GALNT1: variants seen among roughly 807,000 people sequenced by gnomAD.
GALNT1 encodes GalNAc transferase 1.
GALNT1 carries 17 observed loss-of-function variants against 65.7 expected under a neutral mutation model. The ratio of observed to expected loss-of-function variants is 0.26; its 90% CI spans 0.18 to 0.39. The LOEUF (loss-of-function observed/expected upper bound fraction) is 0.39, where lower values mean the gene tolerates loss of function less well. GALNT1 is among the 10% of genes least tolerant of loss of function. The probability of loss-of-function intolerance (pLI) is 1.00; values close to 1 mark genes in which losing one functional copy is unlikely to be tolerated. For synonymous variants in GALNT1, 210 were observed against 219.7 expected, an observed-to-expected ratio of 0.96 and a Z score of 0.39; for missense variants, 460 against 672.8, an observed-to-expected ratio of 0.68 and a Z score of 3.50.
intron 1 of GALNT1, among the ~76,000 whole-genome samples, chr18:35,594,847 A>C (rs569983228): frequency 6.6e-6 from 1 of 152,254 alleles, no homozygotes; most frequent in African/African-American, 2.4e-5. Flanking sequence ...TTTTGGCTGA[A>C]GAGTAGTTTA....
chr18:35,632,444 T>C (rs901628933), intron 1 of GALNT1, among the ~76,000 whole-genome samples: 10 of 152,148 alleles, frequency 6.6e-5, no homozygotes, highest in Non-Finnish European at 1.5e-4. Context: ...AAACAAGAAA[T>C]GGGGAAAGGA....
At chr18:35,695,006 G>A (rs982077566) in intron 9 of GALNT1, among the ~76,000 whole-genome samples, 1 of 152,182 alleles carries the variant, frequency 6.6e-6, no homozygotes, top group Non-Finnish European at 1.5e-5. Flanking sequence ...GTGGTTACCA[G>A]GGCTGAGGGA....
chr18:35,660,230 A>AACTTTATACC (rs2047458125), intron 2 of GALNT1, among the ~76,000 whole-genome samples: 1 of 69,030 alleles, frequency 1.4e-5, no homozygotes, highest in Non-Finnish European at 3.1e-5. Context: ...GAAGTCATAT[A>AACTTTATACC]ACTTTAGTCT....
At chr18:35,669,872 T>G (rs1472023857) in intron 3 of GALNT1, among the ~76,000 whole-genome samples, 4 of 152,204 alleles carry the variant, frequency 2.6e-5, no homozygotes, top group African/African-American at 9.7e-5. Context: ...TTATGAGGAC[T>G]GGAAGAGAGG....
At chr18:35,675,482 A>G (rs2144555193) in intron 3 of GALNT1, among the ~76,000 whole-genome samples, 1 of 152,108 alleles carries the variant, frequency 6.6e-6, no homozygotes, top group Non-Finnish European at 1.5e-5. Context: ...TATTGTTCTT[A>G]TAATCTTACA....
intron 11 of GALNT1, among the ~76,000 whole-genome samples, chr18:35,707,930 G>A (rs1208718741): frequency 2.6e-5 from 4 of 152,214 alleles, no homozygotes; most frequent in Admixed American, 2.0e-4. Context: ...GACGTTGCCA[G>A]GATGTTGTGT....
intron 9 of GALNT1, among the ~76,000 whole-genome samples, chr18:35,694,736 C>T (rs2048026869): frequency 1.3e-5 from 2 of 152,186 alleles, no homozygotes; most frequent in African/African-American, 2.4e-5. Context: ...AAAATTGGGT[C>T]AGTTCAAAGT....
intron 1 of GALNT1, among the ~76,000 whole-genome samples, chr18:35,632,148 C>T (rs2047022427): frequency 6.6e-6 from 1 of 152,132 alleles, no homozygotes; most frequent in Non-Finnish European, 1.5e-5. Flanking sequence ...AGATTCAATG[C>T]CATCCCCATC....
chr18:35,581,034 C>T (rs1329131601), upstream of GALNT1: 1 of 152,072 alleles, frequency 6.6e-6, no homozygotes, highest in Non-Finnish European at 1.5e-5. Flanking sequence ...TCCCGGGCCT[C>T]CTGCATCGCG....
At chr18:35,609,637 G>A (rs2046692101) in intron 1 of GALNT1, among the ~76,000 whole-genome samples, 1 of 152,108 alleles carries the variant, frequency 6.6e-6, no homozygotes, top group African/African-American at 2.4e-5. Flanking sequence ...TCCAAAAAAA[G>A]GAAGTTTTCC....
chr18:35,691,452 A>G (rs1260536713), intron 8 of GALNT1, among the ~76,000 whole-genome samples: 1 of 152,164 alleles, frequency 6.6e-6, no homozygotes, highest in East Asian at 1.9e-4. Context: ...TTTTTTTTAA[A>G]ACCTAACTGC....
At chr18:35,706,602 A>G (rs925882386) in intron 11 of GALNT1, among the ~76,000 whole-genome samples, 2 of 152,222 alleles carry the variant, frequency 1.3e-5, no homozygotes, top group African/African-American at 4.8e-5. Context: ...GAGATAAAAC[A>G]TTAATGCTGG....
chr18:35,625,757 C>T lies in GALNT1; in HGVS notation c.-103-28803C>T, dbSNP rs542710326. Among the ~76,000 whole-genome samples the T allele has an allele frequency of 3.9e-5, 6 of 152,200 alleles. No individual in the cohort carries two copies. In the South Asian group the frequency reaches 6.2e-4, roughly 16 times the overall value. On this transcript the variant is annotated intron_variant, in intron 1 of 11. Transcript: ENST00000269195. ...TCCCAGAAACTGCTCCCCTGGTAGG[C>T]GGTGTATTTTCCTGTGTCTGAGTTC... is the stretch of plus-strand genomic sequence containing the variant.
intron 3 of GALNT1, among the ~76,000 whole-genome samples, chr18:35,672,013 C>T (rs1443063418): frequency 2.0e-5 from 3 of 152,174 alleles, no homozygotes; most frequent in Non-Finnish European, 4.4e-5. Context: ...TTCAAATTGT[C>T]TCTAGGTAAA....
At chr18:35,667,334 G>C (rs1323235393) in intron 3 of GALNT1, among the ~76,000 whole-genome samples, 1 of 152,116 alleles carries the variant, frequency 6.6e-6, no homozygotes, top group Non-Finnish European at 1.5e-5. Flanking sequence ...ACACCCGTGT[G>C]GTTTATGGCT....
Position 35,628,011 on chromosome 18 carries a change from AG to A in GALNT1, c.-103-26547del, listed in dbSNP as rs1416931383. Reference sequence around the variant, plus strand: ...GAGATTGAACTGCAATGTGGCAGCGAGGCTGGGGGAGGGGCACCCGCCATTG... The same window carrying A: ...GAGATTGAACTGCAATGTGGCAGCGAGCTGGGGGAGGGGCACCCGCCATTG... On this transcript the variant is annotated intron_variant, in intron 1 of 11. Transcript: ENST00000269195. 2.6e-5 allele frequency among the ~76,000 whole-genome samples: 4 copies of A among 152,184 alleles called. No individual in the cohort carries two copies. In the East Asian group the frequency reaches 7.7e-4, roughly 29 times the overall value.
At chr18:35,704,711 C>G (rs2048226849) in intron 11 of GALNT1, among the ~76,000 whole-genome samples, 1 of 151,932 alleles carries the variant, frequency 6.6e-6, no homozygotes, top group Admixed American at 6.6e-5. Context: ...GTGGTGCAAT[C>G]TCGGCTCATG....
At position 35,668,661 on chromosome 18, in the gene GALNT1, C is replaced by T. The variant is rs986338387; in HGVS notation, c.314+4859C>T. On this transcript the variant is annotated intron_variant, in intron 3 of 11. Coordinates refer to ENST00000269195, the MANE Select transcript of GALNT1 (RefSeq NM_020474.4). Reference sequence around the variant, plus strand: ...ATGCTGATTAGTGGGCATAAAGTTTCAGTTATGCAAGATGAATAAGGACTA... The same window carrying T: ...ATGCTGATTAGTGGGCATAAAGTTTTAGTTATGCAAGATGAATAAGGACTA... Among the ~76,000 whole-genome samples the T allele has an allele frequency of 3.9e-5, 6 of 152,060 alleles. No individual in the cohort carries two copies. The East Asian group carries it at 9.6e-4, about 24-fold the overall frequency.
chr18:35,691,263 A>G, intron 8 of GALNT1, 71 bp downstream of exon 8: 1 of 1,374,276 alleles, frequency 7.3e-7, no homozygotes, highest in Non-Finnish European at 9.9e-7. Flanking sequence ...GAGAAGTAAG[A>G]AGGTTAGAAG....
Sources: allele counts gnomAD v4.1 joint callset (sites outside exome capture counted in the v4.1 genomes callset), GRCh38; gene constraint gnomAD v4.1.1; transcripts MANE v1.5; gene names NCBI Gene and HGNC (gene_info 2026-07-23, HGNC 2026-07-21).